CEP63: variants seen among roughly 807,000 people sequenced by gnomAD.
CEP63 encodes centrosomal protein 63.
A neutral mutation model predicts 89.1 loss-of-function variants in CEP63; 84 were observed. That is an observed-to-expected ratio of 0.94 (90% CI 0.79 to 1.13). The LOEUF (loss-of-function observed/expected upper bound fraction) is 1.13, where lower values mean the gene tolerates loss of function less well. Among genes scored for constraint, CEP63 ranks in the 50% most tolerant of loss-of-function variants. CEP63 has a pLI of 0.00. For synonymous variants in CEP63, 267 were observed against 272.5 expected (o/e 0.98, Z 0.20); for missense variants, 838 against 813.3 (o/e 1.03, Z -0.37).
intron 9 of CEP63, 150 bp from the exon 10 acceptor site, chr3:134,548,912 T>C (rs1266460978): frequency 1.4e-5 from 9 of 633,132 alleles, no homozygotes. Context: ...TTTTTATTGA[T>C]TGGCTTTTTA....
chr3:134,495,059 C>T (rs996871959), intron 1 of CEP63, among the ~76,000 whole-genome samples: 4 of 152,192 alleles, frequency 2.6e-5, no homozygotes, highest in African/African-American at 9.7e-5. Flanking sequence ...TTGATATTTA[C>T]ACGGAGAGAG....
At chr3:134,569,537 A>C (rs2110271055), downstream of CEP63, among the ~76,000 whole-genome samples, 1 of 152,360 alleles carries the variant, frequency 6.6e-6, no homozygotes, top group East Asian at 1.9e-4. Flanking sequence ...CATCCAGGTC[A>C]CGCTGATGCA....
At chr3:134,656,080 C>T in the CEP63 span, among the ~76,000 whole-genome samples, 1 of 152,182 alleles carries the variant, frequency 6.6e-6, no homozygotes, top group Admixed American at 6.5e-5. Flanking sequence ...AGACGTTTCC[C>T]AGCACAGATG....
the CEP63 span, among the ~76,000 whole-genome samples, chr3:134,754,221 C>A: frequency 6.6e-6 from 1 of 152,190 alleles, no homozygotes; most frequent in Non-Finnish European, 1.5e-5. Flanking sequence ...GGTGCCATAG[C>A]CTCAGGGACT....
the CEP63 span, among the ~76,000 whole-genome samples, chr3:134,739,129 T>C: frequency 6.6e-6 from 1 of 152,226 alleles, no homozygotes. Context: ...CCGGAGATTC[T>C]TCTCCTAGGT....
the CEP63 span, among the ~76,000 whole-genome samples, chr3:134,768,929 G>C: frequency 1.3e-5 from 2 of 152,134 alleles, no homozygotes; most frequent in African/African-American, 4.8e-5. Context: ...ATATGCTGTT[G>C]CTGGTTCTCT....
chr3:134,502,483 T>C (rs1942271573), intron 2 of CEP63, among the ~76,000 whole-genome samples: 1 of 152,178 alleles, frequency 6.6e-6, no homozygotes. Flanking sequence ...TTTTTATTAC[T>C]GATTTAATTT....
At chr3:134,610,817 C>T in the CEP63 span, 1 of 155,724 alleles carries the variant, frequency 6.4e-6, no homozygotes, top group African/African-American at 2.4e-5. Context: ...GCGAGCACAG[C>T]TGCTGGGAGA....
intron 11 of CEP63, among the ~76,000 whole-genome samples, chr3:134,574,030 A>G (rs1958125626): frequency 6.6e-6 from 1 of 152,194 alleles, no homozygotes; most frequent in East Asian, 1.9e-4. Context: ...GTAGGTCACA[A>G]TCCCAATGCT....
chr3:134,485,885 C>T (rs367720735), upstream of CEP63: 1 of 641,076 alleles, frequency 1.6e-6, no homozygotes, highest in Non-Finnish European at 1.9e-6. Context: ...GGGGGAAGTC[C>T]GACACTGAGC....
chr3:134,677,258 C>CA, the CEP63 span, among the ~76,000 whole-genome samples: 4 of 152,008 alleles, frequency 2.6e-5, no homozygotes, highest in South Asian at 2.1e-4. Flanking sequence ...GACTCCATCT[C>CA]AAAAAAAAGT....
chr3:134,558,304 C>T lies in CEP63; in HGVS notation c.1630C>T (p.Pro544Ser). ...CKKQNDRIFK[P>S]THSRTTEFKN... The stretch of plus-strand genomic sequence containing the variant: ...AAAACAAAATGACAGGATCTTTAAA[C>T]CAACACACAGCAGAACAACTGAGTT... Residue 544 changes from proline to serine, a missense_variant, in exon 13 of 15, where the codon CCA becomes TCA. Pro to Ser is a moderately conservative substitution (Grantham distance 74). Coordinates refer to ENST00000675561, the MANE Select transcript of CEP63 (RefSeq NM_001353108.3). 6.2e-7 allele frequency: 1 copy of T among 1,613,762 alleles called. No individual in the cohort carries two copies. Among genetic ancestry groups the T allele is most frequent in the Non-Finnish European group, 8.5e-7 (1 of 1,179,828 alleles).
At chr3:134,706,574 T>G in the CEP63 span, among the ~76,000 whole-genome samples, 2 of 152,156 alleles carry the variant, frequency 1.3e-5, no homozygotes, top group Non-Finnish European at 2.9e-5. Context: ...CCTATTCCAG[T>G]CTCATCAACT....
chr3:134,575,311 CTTTT>C (rs1179657245), downstream of CEP63, among the ~76,000 whole-genome samples: 1 of 123,406 alleles, frequency 8.1e-6, no homozygotes, highest in Non-Finnish European at 1.6e-5. Context: ...CCTTTCTTTC[CTTTT>C]TTCTTTCTTT....
chr3:134,602,883 C>T, the CEP63 span, among the ~76,000 whole-genome samples: 1 of 152,230 alleles, frequency 6.6e-6, no homozygotes, highest in African/African-American at 2.4e-5. Flanking sequence ...TTGCAGTCTC[C>T]TCACAACTTT....
chr3:134,488,615 C>T (rs1238071557), intron 1 of CEP63, among the ~76,000 whole-genome samples: 2 of 151,314 alleles, frequency 1.3e-5, no homozygotes, highest in Non-Finnish European at 3.0e-5. Flanking sequence ...TCTCAAAAAA[C>T]AAAAAAAAGT....
intron 4 of CEP63, 136 bp downstream of exon 4, chr3:134,532,076 C>A (rs1949960355): frequency 4.8e-6 from 3 of 623,298 alleles, no homozygotes; most frequent in Admixed American, 2.9e-5. Flanking sequence ...GAGTGGGAAT[C>A]CATTTCTCTG....
the CEP63 span, among the ~76,000 whole-genome samples, chr3:134,712,752 A>AC: frequency 6.6e-6 from 1 of 152,086 alleles, no homozygotes; most frequent in Non-Finnish European, 1.5e-5. Flanking sequence ...TGCTGCAGGG[A>AC]CGTCAGGCAG....
At chr3:134,720,753 G>T in the CEP63 span, among the ~76,000 whole-genome samples, 2 of 152,134 alleles carry the variant, frequency 1.3e-5, no homozygotes, top group East Asian at 1.9e-4. Context: ...CCCATTGATG[G>T]TCTTGGCACT....
Sources: allele counts gnomAD v4.1 joint callset (sites outside exome capture counted in the v4.1 genomes callset), GRCh38; gene constraint gnomAD v4.1.1; transcripts MANE v1.5; gene names NCBI Gene and HGNC (gene_info 2026-07-23, HGNC 2026-07-21).